STS: variants seen among roughly 807,000 people sequenced by gnomAD.
STS encodes the protein steryl-sulfatase.
In STS, 7 loss-of-function variants were observed where a neutral mutation model predicts 26.8. The observed-to-expected ratio is 0.26, with a 90% CI of 0.15 to 0.49. The LOEUF (loss-of-function observed/expected upper bound fraction) is 0.49. STS is among the 20% of genes least tolerant of loss of function. STS has a pLI of 0.98. For synonymous variants in STS, 199 were observed against 189.4 expected (o/e 1.05, Z -0.42); for missense variants, 434 against 465.6 (o/e 0.93, Z 0.63).
At position 7,352,280 on chromosome X, in the gene STS, T is replaced by G. The variant is rs1205532053; in HGVS notation, c.*2019T>G. The G allele has an allele frequency of 8.9e-6, 1 of 112,619 alleles. No individual in the cohort carries two copies. The highest frequency in any genetic ancestry group is 3.2e-5 in the African/African-American group (1 of 31,066). 9.3% of individuals were successfully genotyped at this position (112,619 alleles called of 1,213,427 possible). On this transcript the variant is annotated 3_prime_UTR_variant, in exon 11 of 11. Coordinates refer to ENST00000674429, the MANE Select transcript of STS (RefSeq NM_001320752.2). ...TGATGATGTGGAAATGCTGCAGGAT[T>G]AAATAACTTGAAGAGCCTTTATAGA...
chrX:7,279,698 G>A (rs1205056096), intron 7 of STS, among the ~76,000 whole-genome samples: 3 of 109,768 alleles, frequency 2.7e-5, no homozygotes, highest in East Asian at 2.9e-4. Flanking sequence ...TTCTCCTTGT[G>A]GGGGTCTGGA....
At chrX:7,284,568 C>T (rs1455727330) in intron 7 of STS, among the ~76,000 whole-genome samples, 1 of 112,379 alleles carries the variant, frequency 8.9e-6, no homozygotes, top group Admixed American at 9.4e-5. Context: ...CATCTGCTTC[C>T]GCAGCAATGG....
At chrX:7,265,805 A>G (rs942391273) in intron 6 of STS, among the ~76,000 whole-genome samples, 2 of 112,082 alleles carry the variant, frequency 1.8e-5, no homozygotes, top group African/African-American at 6.5e-5. Flanking sequence ...CATTGTTACA[A>G]TCATCCTTGG....
intron 2 of STS, among the ~76,000 whole-genome samples, chrX:7,247,059 G>T (rs1307853111): frequency 8.9e-6 from 1 of 112,382 alleles, no homozygotes; most frequent in Non-Finnish European, 1.9e-5. Flanking sequence ...GTATGTGTGT[G>T]TGTGTGTTTT....
chrX:7,302,279 T>G (rs1230253481), intron 7 of STS, among the ~76,000 whole-genome samples: 2 of 111,769 alleles, frequency 1.8e-5, no homozygotes, highest in African/African-American at 3.3e-5. Flanking sequence ...GGGGCATTTT[T>G]CTTTCAAAGT....
intron 10 of STS, among the ~76,000 whole-genome samples, chrX:7,347,525 A>G (rs1372105679): frequency 5.4e-5 from 6 of 111,756 alleles, no homozygotes; most frequent in African/African-American, 9.8e-5. Flanking sequence ...CCTGATGTCA[A>G]TCTGATCTTC....
chrX:7,309,756 G>A (rs1395785191), intron 8 of STS, among the ~76,000 whole-genome samples: 6 of 111,345 alleles, frequency 5.4e-5, no homozygotes, highest in South Asian at 7.6e-4. Context: ...GGGTGAGGGA[G>A]TAATAATAGG....
At chrX:7,323,755 AG>A (rs1289516322) in intron 8 of STS, among the ~76,000 whole-genome samples, 1 of 111,798 alleles carries the variant, frequency 8.9e-6, no homozygotes, top group Non-Finnish European at 1.9e-5. Context: ...TGGGTCCTCA[AG>A]GTGTTGGCAG....
intron 1 of STS, among the ~76,000 whole-genome samples, chrX:7,154,540 C>T (rs1345965425): frequency 8.9e-6 from 1 of 112,342 alleles, no homozygotes; most frequent in Non-Finnish European, 1.9e-5. Context: ...CAATGGAATT[C>T]TTCTTCTTAT....
intron 8 of STS, among the ~76,000 whole-genome samples, chrX:7,318,278 C>T (rs774511336): frequency 1.8e-5 from 2 of 111,056 alleles, no homozygotes; most frequent in African/African-American, 3.3e-5. Context: ...GAGTGGTGCC[C>T]GGGAGAGCAG....
At chrX:7,323,547 C>T (rs781260744) in intron 8 of STS, among the ~76,000 whole-genome samples, 4 of 111,561 alleles carry the variant, frequency 3.6e-5, no homozygotes, top group Non-Finnish European at 5.6e-5. Flanking sequence ...CTACAAAGGA[C>T]AATATTTTGT....
At chrX:7,336,618 A>G (rs916202600) in intron 10 of STS, among the ~76,000 whole-genome samples, 3 of 112,081 alleles carry the variant, frequency 2.7e-5, no homozygotes, top group African/African-American at 9.7e-5. Context: ...CCTAGTTTCC[A>G]TAAGAATACT....
At chrX:7,204,366 A>G (rs1356955275) in intron 2 of STS, among the ~76,000 whole-genome samples, 1 of 111,128 alleles carries the variant, frequency 9.0e-6, no homozygotes, top group Non-Finnish European at 1.9e-5. Context: ...GAGGTTGAAC[A>G]TTTTCCATAT....
intron 2 of STS, chrX:7,219,460 T>C: frequency 9.1e-7 from 1 of 1,104,688 alleles, no homozygotes; most frequent in South Asian, 2.3e-5. Context: ...CCAAGCACAG[T>C]GCTGTTGGCC....
chrX:7,315,554 G>C (rs1358162991), intron 8 of STS, among the ~76,000 whole-genome samples: 2 of 111,600 alleles, frequency 1.8e-5, no homozygotes, highest in Non-Finnish European at 3.8e-5. Context: ...TGCAAGCTGA[G>C]GAGCCAGAAA....
intron 1 of STS, among the ~76,000 whole-genome samples, chrX:7,162,850 G>T (rs1397359256): frequency 1.1e-4 from 10 of 95,208 alleles, no homozygotes; most frequent in African/African-American, 4.0e-4. Flanking sequence ...TTTGAGACCA[G>T]CTGGGCCAGC....
At chrX:7,320,000 T>TTTTTTATATATA (rs1926908292) in intron 8 of STS, among the ~76,000 whole-genome samples, 2 of 87,672 alleles carry the variant, frequency 2.3e-5, no homozygotes, top group Non-Finnish European at 4.1e-5. Context: ...ATATATATAT[T>TTTTTTATATATA]TTTATATATA....
intron 10 of STS, among the ~76,000 whole-genome samples, chrX:7,343,875 G>A (rs1251789907): frequency 3.6e-5 from 4 of 111,868 alleles, no homozygotes; most frequent in African/African-American, 1.3e-4. Context: ...GAGAGTCTTC[G>A]GGCCCCTGGC....
In STS at chrX:7,281,435, A is replaced by G. The variant is rs192954671; in HGVS notation, c.943+5348A>G. On this transcript the variant is annotated intron_variant, in intron 7 of 10. Transcript: ENST00000674429. ...GCCTTCCCTGCAGGAGGACCTGGAC[A>G]TTGCTATCGTACCCTCTGGGCACAG... Among the ~76,000 whole-genome samples, 402 of 111,688 alleles carry G rather than the reference A, an allele frequency of 3.6e-3. 1 individual carries two copies. Among genetic ancestry groups the G allele is most frequent in the Non-Finnish European group, 6.3e-3 (333 of 53,151 alleles).
Sources: allele counts gnomAD v4.1 joint callset (sites outside exome capture counted in the v4.1 genomes callset), GRCh38; gene constraint gnomAD v4.1.1; transcripts MANE v1.5; gene names NCBI Gene and HGNC (gene_info 2026-07-23, HGNC 2026-07-21).